MRPL57: variants seen among roughly 807,000 people sequenced by gnomAD.
MRPL57 encodes large ribosomal subunit protein mL63.
A neutral mutation model predicts 1.3 loss-of-function variants in MRPL57; 1 was observed. The ratio of observed to expected loss-of-function variants is 0.79; its 90% CI spans 0.28 to 3.75. The LOEUF (loss-of-function observed/expected upper bound fraction) is 3.75, where lower values mean the gene tolerates loss of function less well. MRPL57 is among the 30% of genes most tolerant of loss of function. MRPL57 has a pLI of 0.19. For missense variants in MRPL57, 170 were observed against 148.9 expected (o/e 1.14, Z -0.74); for synonymous variants, 79 against 61.7 (o/e 1.28, Z -1.31).
In MRPL57 at chr13:21,176,980, C is replaced by T; in HGVS notation, c.64C>T (p.Arg22Trp). The T allele has an allele frequency of 1.2e-6, 2 of 1,611,628 alleles. No homozygotes were observed. Among genetic ancestry groups the T allele is most frequent in the Non-Finnish European group, 1.7e-6 (2 of 1,179,662 alleles). The change falls in exon 2 of 2, where the codon CGG (arginine) becomes TGG (tryptophan). Residue 22 changes from arginine (R) to tryptophan (W), a missense_variant. By Grantham distance (101) the Arg-to-Trp change is moderately radical (BLOSUM62 -3). Coordinates refer to ENST00000309594, the MANE Select transcript of MRPL57 (RefSeq NM_024026.5). ...IPGRQWIGKH[R>W]RPRFVSLRAK... ...CGGCCGTCAGTGGATCGGGAAGCAC[C>T]GGCGGCCGCGGTTCGTGTCGTTGCG...
chr13:21,176,947 C>T lies in MRPL57; in HGVS notation c.31C>T (p.Arg11Cys), dbSNP rs962841379. The T allele has an allele frequency of 6.2e-7, 1 of 1,611,072 alleles. No homozygotes were observed. Among genetic ancestry groups the T allele is most frequent in the Non-Finnish European group, 8.5e-7 (1 of 1,179,744 alleles). The change falls in exon 2 of 2, where the codon CGC becomes TGC. Residue 11 changes from arginine to cysteine, a missense_variant. Transcript: ENST00000309594. The stretch of plus-strand genomic sequence containing the variant: ...CCTGACTGCGCTCCTCTGGCGCGGC[C>T]GCATTCCCGGCCGTCAGTGGATCGG... MFLTALLWRG[R>C]IPGRQWIGKH...
rs760006064 is a variant in MRPL57 at position 21,177,075 on chromosome 13, C to T, written c.159C>T (p.Tyr53=). ...ACCATTACTGGCTGAGCATGCCCTA[C>T]ATGACCCGGGAGCAGGAGCGCGGCC... is the stretch of plus-strand genomic sequence containing the variant. The part of the protein sequence containing the change: ...AENHYWLSMP[Y]MTREQERGHA... Residue 53 remains tyrosine, a synonymous_variant, in exon 2 of 2, where the codon TAC becomes TAT. Coordinates refer to ENST00000309594, the MANE Select transcript of MRPL57 (RefSeq NM_024026.5). The T allele has an allele frequency of 7.4e-6, 12 of 1,613,792 alleles. No individual in the cohort carries two copies. Among genetic ancestry groups the T allele is most frequent in the Non-Finnish European group, 9.3e-6 (11 of 1,180,040 alleles).
rs772300446 is a variant in MRPL57, at chr13:21,176,906, C to G, written c.-5-6C>G. The G allele has an allele frequency of 1.9e-6, 3 of 1,602,646 alleles. No individual in the cohort carries two copies. Among genetic ancestry groups the G allele is most frequent in the Non-Finnish European group, 2.5e-6 (3 of 1,177,506 alleles). On this transcript the variant is annotated splice_polypyrimidine_tract_variant and splice_region_variant and intron_variant, in intron 1 of 1. Coordinates refer to ENST00000309594, the MANE Select transcript of MRPL57 (RefSeq NM_024026.5). ...CCTCCGCAAAGCCCGTCCCTCTCTT[C>G]CGCAGGCACCATGTTCCTGACTGCG...
At chr13:21,176,785 C>A (rs1038037577) in intron 1 of MRPL57, 68 bp downstream of exon 1, 1 of 1,014,972 alleles carries the variant, frequency 9.9e-7, no homozygotes, top group Admixed American at 2.7e-5. Context: ...ACCTGGGCTC[C>A]CCGCTTCTCT....
In MRPL57 at chr13:21,177,215, A is replaced by C; in HGVS notation, c.299A>C (p.Lys100Thr). 6.2e-7 allele frequency: 1 copy of C among 1,613,652 alleles called. No individual in the cohort carries two copies. Among genetic ancestry groups the C allele is most frequent in the East Asian group, 2.2e-5 (1 of 44,886 alleles). Residue 100 changes from lysine to threonine, a missense_variant, in exon 2 of 2, where the codon AAA (lysine) becomes ACA (threonine). Transcript: ENST00000309594. ...DQLDHLNVTK[K>T]WS ...CTCGACCATCTCAATGTCACCAAGAAATGGTCCTAATCCTGAGTCGTCACC... is the reference window on the plus strand; with the variant it reads ...CTCGACCATCTCAATGTCACCAAGACATGGTCCTAATCCTGAGTCGTCACC...
rs776413575 is a variant in MRPL57, at chr13:21,177,111, G to A, written c.195G>A (p.Val65=). ...AGCAGGAGCGCGGCCACGCCGCGGT[G>A]CGCAGGAGGGAGGCCTTCGAGGCCA... ...TREQERGHAA[V]RRREAFEAIK... is the part of the protein sequence containing the mutation. The change falls in exon 2 of 2, where the codon GTG becomes GTA. Residue 65 remains valine, a synonymous_variant. Transcript: ENST00000309594. 1 of 1,613,946 alleles carries A rather than the reference G, an allele frequency of 6.2e-7. No homozygotes were observed. Among genetic ancestry groups the A allele is most frequent in the South Asian group, 1.1e-5 (1 of 91,088 alleles).
In MRPL57 at chr13:21,177,668, C is replaced by G. The variant is rs1218947117; in HGVS notation, c.*443C>G. The G allele has an allele frequency of 4.8e-6, 1 of 207,090 alleles. No individual in the cohort carries two copies. The highest frequency in any genetic ancestry group is 2.4e-5 in the African/African-American group (1 of 41,672). 12.8% of individuals were successfully genotyped at this position (207,090 alleles called of 1,614,324 possible). On this transcript the variant is annotated 3_prime_UTR_variant, in exon 2 of 2. Coordinates refer to ENST00000309594, the MANE Select transcript of MRPL57 (RefSeq NM_024026.5). ...CCGGGATTTTACTACTAAAATTGGA[C>G]ATTTAAGCGAAGTAAAAGAGGCCGG...
chr13:21,176,849 CT>C, intron 1 of MRPL57, 62 bp from the exon 2 acceptor site: 1 of 1,530,630 alleles, frequency 6.5e-7, no homozygotes, highest in African/African-American at 1.4e-5. Context: ...CGCGCGCCCG[CT>C]GCTCTCTCCA....
rs1691553101 is a variant in MRPL57, at chr13:21,177,523, T to A, written c.*298T>A. The A allele has an allele frequency of 2.4e-6, 1 of 421,104 alleles. No homozygotes were observed. The highest frequency in any genetic ancestry group is 4.4e-6 in the Non-Finnish European group (1 of 227,124). 26.1% of individuals were successfully genotyped at this position (421,104 alleles called of 1,614,324 possible). Reference sequence around the variant, plus strand: ...GCCACAATGATTTGAGGTCTTTGCTTAAGTATGAGATACTTGATGGGGGCT... The same window carrying A: ...GCCACAATGATTTGAGGTCTTTGCTAAAGTATGAGATACTTGATGGGGGCT... On this transcript the variant is annotated 3_prime_UTR_variant, in exon 2 of 2. Transcript: ENST00000309594.
Position 21,176,689 on chromosome 13 carries a change from G to A in MRPL57, c.-34G>A, listed in dbSNP as rs995924008. ...GCCACGGCGTCTGCTGGCGGCCGCG[G>A]AGACGCAGAGTCTTGAGCAGCGCGG... On this transcript the variant is annotated 5_prime_UTR_variant, in exon 1 of 2. Coordinates refer to ENST00000309594, the MANE Select transcript of MRPL57 (RefSeq NM_024026.5). The A allele has an allele frequency of 4.5e-6, 3 of 661,284 alleles. No individual in the cohort carries two copies. The highest frequency in any genetic ancestry group is 3.8e-5 in the African/African-American group (2 of 53,128). 41.0% of individuals were successfully genotyped at this position (661,284 alleles called of 1,614,324 possible).
chr13:21,177,162 C>G lies in MRPL57; in HGVS notation c.246C>G (p.Phe82Leu). The G allele has an allele frequency of 6.2e-7, 1 of 1,614,164 alleles. No individual in the cohort carries two copies. Among genetic ancestry groups the G allele is most frequent in the South Asian group, 1.1e-5 (1 of 91,086 alleles). The change falls in exon 2 of 2, where the codon TTC (phenylalanine) becomes TTG (leucine). Residue 82 changes from phenylalanine (F) to leucine (L), a missense_variant. Transcript: ENST00000309594. ...TAAAGGCGGCCGCCACTTCCAAGTT[C>G]CCCCCGCATAGATTCATTGCGGACC... ...EAIKAAATSKFPPHRFIADQL... is the reference protein window; with the variant it reads ...EAIKAAATSKLPPHRFIADQL...
In MRPL57 at chr13:21,177,000, G is replaced by T. The variant is rs140093791; in HGVS notation, c.84G>T (p.Ser28=). 91 of 1,612,458 alleles carry T rather than the reference G, an allele frequency of 5.6e-5. No homozygotes were observed. Among genetic ancestry groups the T allele is most frequent in the African/African-American group, 4.3e-4 (32 of 74,938 alleles). ...IGKHRRPRFV[S]LRAKQNMIRR... ...AGCACCGGCGGCCGCGGTTCGTGTCGTTGCGCGCCAAGCAGAACATGATCC... is the reference window on the plus strand; with the variant it reads ...AGCACCGGCGGCCGCGGTTCGTGTCTTTGCGCGCCAAGCAGAACATGATCC... The change falls in exon 2 of 2, where the codon TCG becomes TCT. Residue 28 remains serine (S), a synonymous_variant. Coordinates refer to ENST00000309594, the MANE Select transcript of MRPL57 (RefSeq NM_024026.5).
intron 1 of MRPL57, 22 bp downstream of exon 1, chr13:21,176,739 GT>G (rs1451271996): frequency 1.4e-6 from 1 of 714,550 alleles, no homozygotes; most frequent in Non-Finnish European, 2.3e-6. Context: ...TGCGAATTCG[GT>G]TCTCTAGGGA....
At chr13:21,176,816 A>G (rs964757998) in intron 1 of MRPL57, 96 bp from the exon 2 acceptor site, 2 of 1,285,452 alleles carry the variant, frequency 1.6e-6, no homozygotes, top group African/African-American at 3.0e-5. Context: ...CGGTGCGGGA[A>G]CTCCCGTAGG....
chr13:21,176,809 T>G (rs1018092749), intron 1 of MRPL57, 92 bp downstream of exon 1: 4 of 1,221,174 alleles, frequency 3.3e-6, no homozygotes, highest in Non-Finnish European at 4.5e-6. Context: ...GGGGAGGCGG[T>G]GCGGGAACTC....
In MRPL57 at chr13:21,177,450, G is replaced by A; in HGVS notation, c.*225G>A. On this transcript the variant is annotated 3_prime_UTR_variant, in exon 2 of 2. Coordinates refer to ENST00000309594, the MANE Select transcript of MRPL57 (RefSeq NM_024026.5). ...GTTTCATTAGTCTGATAGGAAGATA[G>A]GGATTTCCTCAGTCACAGATGATAT... The A allele has an allele frequency of 1.8e-6, 1 of 570,388 alleles. No individual in the cohort carries two copies. Among genetic ancestry groups the A allele is most frequent in the South Asian group, 2.4e-5 (1 of 42,436 alleles). The allele number at this position is 570,388 out of a possible 1,614,324, so 35.3% of individuals were successfully genotyped here.
rs1455012055 is a variant in MRPL57, at chr13:21,177,038, T to G, written c.122T>G (p.Ile41Ser). The G allele has an allele frequency of 6.2e-7, 1 of 1,613,420 alleles. No individual in the cohort carries two copies. The change falls in exon 2 of 2, where the codon ATC (isoleucine) becomes AGC (serine). Residue 41 changes from isoleucine to serine, a missense_variant. Transcript: ENST00000309594. ...CAGAACATGATCCGCCGCCTGGAGA[T>G]CGAGGCGGAGAACCATTACTGGCTG... Reference protein sequence around the residue: ...AKQNMIRRLEIEAENHYWLSM... With the variant: ...AKQNMIRRLESEAENHYWLSM...
rs754048983 is a variant in MRPL57, at chr13:21,177,259, C to T, written c.*34C>T. 4 of 1,604,400 alleles carry T rather than the reference C, an allele frequency of 2.5e-6. No homozygotes were observed. Among genetic ancestry groups the T allele is most frequent in the Non-Finnish European group, 3.4e-6 (4 of 1,174,422 alleles). The stretch of plus-strand genomic sequence containing the variant: ...CGTCACCCTTGGATTTTATGGATCA[C>T]GGAGCTGACCATCTTTACCTGGTCC... On this transcript the variant is annotated 3_prime_UTR_variant, in exon 2 of 2. Coordinates refer to ENST00000309594, the MANE Select transcript of MRPL57 (RefSeq NM_024026.5).
Position 21,177,227 on chromosome 13 carries a change from C to T in MRPL57, c.*2C>T, listed in dbSNP as rs763467293. On this transcript the variant is annotated 3_prime_UTR_variant, in exon 2 of 2. Coordinates refer to ENST00000309594, the MANE Select transcript of MRPL57 (RefSeq NM_024026.5). ...AATGTCACCAAGAAATGGTCCTAATCCTGAGTCGTCACCCTTGGATTTTAT... is the reference window on the plus strand; with the variant it reads ...AATGTCACCAAGAAATGGTCCTAATTCTGAGTCGTCACCCTTGGATTTTAT... 2.5e-6 allele frequency: 4 copies of T among 1,613,340 alleles called. No homozygotes were observed. In the Admixed American group the frequency reaches 5.0e-5, roughly 20 times the overall value.
Sources: allele counts gnomAD v4.1 joint callset, GRCh38; gene constraint gnomAD v4.1.1; transcripts MANE v1.5; gene names NCBI Gene and HGNC (gene_info 2026-07-23, HGNC 2026-07-21).